Variants in CDRT4 observed in about 807,000 individuals in gnomAD.
CDRT4 encodes the protein CMT1A duplicated region transcript 4.
For synonymous variants in CDRT4, 64 were observed against 69.6 expected (o/e 0.92, Z 0.40); for missense variants, 167 against 193.1 (o/e 0.87, Z 0.80).
Position 15,450,274 on chromosome 17 carries a change from C to T in CDRT4, c.-48+2730G>A, listed in dbSNP as rs913591872. Among the ~76,000 whole-genome samples the T allele has an allele frequency of 4.6e-5, 7 of 152,180 alleles. No individual in the cohort carries two copies. The highest frequency in any genetic ancestry group is 7.2e-5 in the African/African-American group (3 of 41,446). On this transcript the variant is annotated intron_variant, in intron 2 of 3. Coordinates refer to ENST00000619038, the MANE Select transcript of CDRT4 (RefSeq NM_001204477.2). This position sits in a 1 kb window ranked among gnomAD's most constrained non-coding sequence, Gnocchi z 4.2. ...GAAAAATCCAAGAATCCATCAAGAA[C>T]TCCCTCATCTCCCACCATCACTCGT...
rs1257624966 is a variant in CDRT4, at chr17:15,464,451, C to T, written c.-130+3009G>A. Among the ~76,000 whole-genome samples, 1 of 152,154 alleles carries T rather than the reference C, an allele frequency of 6.6e-6. No homozygotes were observed. Among genetic ancestry groups the T allele is most frequent in the Non-Finnish European group, 1.5e-5 (1 of 68,030 alleles). On this transcript the variant is annotated intron_variant, in intron 1 of 3. Transcript: ENST00000619038. The surrounding 1 kb of genome is among the most constrained non-coding windows in gnomAD (Gnocchi z 4.5). ...GCTGCCTTTTCCGAGCTCGCTTCTTCCCTTCCCACCCCTTGCTAGTTGGAG... is the reference window on the plus strand; with the variant it reads ...GCTGCCTTTTCCGAGCTCGCTTCTTTCCTTCCCACCCCTTGCTAGTTGGAG...
chr17:15,442,757 G>A (rs1276572031), intron 2 of CDRT4, among the ~76,000 whole-genome samples: 1 of 152,192 alleles, frequency 6.6e-6, no homozygotes, highest in African/African-American at 2.4e-5. Flanking sequence ...ACTAGGAAAC[G>A]ATAAAAAGAA....
Position 15,437,849 on chromosome 17 carries a change from C to G in CDRT4, c.383G>C (p.Cys128Ser), listed in dbSNP as rs61742151. 3.4e-4 allele frequency: 543 copies of G among 1,614,126 alleles called. 1 individual carries two copies. In the African/African-American group the frequency reaches 6.4e-3, roughly 19 times the overall value. Residue 128 changes from cysteine (C) to serine (S), a missense_variant, in exon 4 of 4, where the codon TGT (cysteine) becomes TCT (serine). By Grantham distance (112) the Cys-to-Ser change is moderately radical. Transcript: ENST00000619038. Reference sequence around the variant, plus strand: ...GATCTTGTTATAGTTTTCAGTTGGACAGTCTCTGGAATCCGCATGTAAGTG... The same window carrying G: ...GATCTTGTTATAGTTTTCAGTTGGAGAGTCTCTGGAATCCGCATGTAAGTG... ...PTHLHADSRD[C>S]PTENYNKIIF...
intron 2 of CDRT4, among the ~76,000 whole-genome samples, chr17:15,442,697 T>C (rs113743235): frequency 1.3e-5 from 2 of 152,148 alleles, no homozygotes; most frequent in Admixed American, 1.3e-4. Context: ...GTGTGGCTGA[T>C]AGGACAAGTC....
chr17:15,438,075 C>G lies in CDRT4; in HGVS notation c.157G>C (p.Glu53Gln). 1 of 1,614,124 alleles carries G rather than the reference C, an allele frequency of 6.2e-7. No homozygotes were observed. The highest frequency in any genetic ancestry group is 8.5e-7 in the Non-Finnish European group (1 of 1,180,024). The change falls in exon 4 of 4, where the codon GAA (glutamate) becomes CAA (glutamine). Residue 53 changes from glutamate to glutamine, a missense_variant. Coordinates refer to ENST00000619038, the MANE Select transcript of CDRT4 (RefSeq NM_001204477.2). ...LIEKSKTREL[E>Q]CMRALEERPW... ...CTTTCCTCGAGGGCACGCATGCATT[C>G]CAGTTCTCTAGTTTTGCTTTTCTCA...
rs189371479 is a variant in CDRT4 at position 15,466,063 on chromosome 17, G to T, written c.-130+1397C>A. Among the ~76,000 whole-genome samples, 1,052 of 152,088 alleles carry T rather than the reference G, an allele frequency of 6.9e-3. 5 individuals carry two copies. The highest frequency in any genetic ancestry group is 0.011 in the Non-Finnish European group (758 of 67,940). On this transcript the variant is annotated intron_variant, in intron 1 of 3. Coordinates refer to ENST00000619038, the MANE Select transcript of CDRT4 (RefSeq NM_001204477.2). ...AGGGAGGGAGAGGGAGGGAAAGGGA[G>T]GGGGAGGGAGGGCAGAGCCTACCAG...
intron 1 of CDRT4, among the ~76,000 whole-genome samples, chr17:15,466,108 C>A (rs111521690): frequency 5.3e-5 from 8 of 152,110 alleles, no homozygotes; most frequent in African/African-American, 1.7e-4. Context: ...AGGAAGCCTG[C>A]GACCTGGGAC....
At chr17:15,438,333 T>C in intron 3 of CDRT4, 133 bp from the exon 4 acceptor site, 1 of 750,142 alleles carries the variant, frequency 1.3e-6, no homozygotes. Context: ...TCAGTAGGAA[T>C]AAAATCCAAT....
chr17:15,459,818 C>T (rs1047796172), intron 1 of CDRT4, among the ~76,000 whole-genome samples: 3 of 152,104 alleles, frequency 2.0e-5, no homozygotes, highest in Non-Finnish European at 4.4e-5. Context: ...CAGCAGATGA[C>T]TTCCATGCTG....
chr17:15,448,871 C>T (rs1437692911), intron 2 of CDRT4, among the ~76,000 whole-genome samples: 4 of 152,190 alleles, frequency 2.6e-5, no homozygotes, highest in African/African-American at 7.2e-5. Context: ...CTGTCATCAC[C>T]GTGGCTTCTT....
intron 1 of CDRT4, among the ~76,000 whole-genome samples, chr17:15,463,162 T>G (rs1395059422): frequency 6.6e-6 from 1 of 151,768 alleles, no homozygotes; most frequent in East Asian, 1.9e-4. Flanking sequence ...GGATTCAGGG[T>G]AAGGAGAGAA....
intron 1 of CDRT4, among the ~76,000 whole-genome samples, chr17:15,455,379 A>C (rs1979442259): frequency 6.6e-6 from 1 of 152,234 alleles, no homozygotes; most frequent in South Asian, 2.1e-4. Flanking sequence ...AAGGTGACAG[A>C]GCCAATAGGA....
chr17:15,466,629 G>C (rs1980055375), intron 1 of CDRT4, among the ~76,000 whole-genome samples: 2 of 152,092 alleles, frequency 1.3e-5, no homozygotes, highest in Non-Finnish European at 1.5e-5. Flanking sequence ...GGCTCACACA[G>C]ACACACACTC....
At chr17:15,465,258 CACA>C (rs1182741115) in intron 1 of CDRT4, among the ~76,000 whole-genome samples, 4 of 112,940 alleles carry the variant, frequency 3.5e-5, no homozygotes, top group Non-Finnish European at 4.9e-5. Flanking sequence ...CACCAACACA[CACA>C]ACACACACAC....
At chr17:15,443,998 G>A in intron 2 of CDRT4, 1 of 749,002 alleles carries the variant, frequency 1.3e-6, no homozygotes, top group Non-Finnish European at 2.3e-6. Context: ...TACATCCACA[G>A]GGTTTGGATG....
chr17:15,462,155 C>A (rs946100478), intron 1 of CDRT4, among the ~76,000 whole-genome samples: 1 of 114 alleles, frequency 8.8e-3, no homozygotes, highest in African/African-American at 0.031. Context: ...CTAGGCCGGG[C>A]GTGGTCGTCA....
In CDRT4 at chr17:15,464,314, G is replaced by A. The variant is rs752168348; in HGVS notation, c.-130+3146C>T. The stretch of plus-strand genomic sequence containing the variant: ...CATACTCCAAATAGACCTTGAGCCC[G>A]TCAAAGGCAGAGACCAGCACCTGCC... On this transcript the variant is annotated intron_variant, in intron 1 of 3. Coordinates refer to ENST00000619038, the MANE Select transcript of CDRT4 (RefSeq NM_001204477.2). This position sits in a 1 kb window ranked among gnomAD's most constrained non-coding sequence, Gnocchi z 4.5. Among the ~76,000 whole-genome samples the A allele has an allele frequency of 1.1e-4, 16 of 152,228 alleles. No individual in the cohort carries two copies. Among genetic ancestry groups the A allele is most frequent in the African/African-American group, 3.4e-4 (14 of 41,534 alleles).
intron 2 of CDRT4, among the ~76,000 whole-genome samples, chr17:15,451,768 T>C (rs1263948233): frequency 6.6e-6 from 1 of 152,250 alleles, no homozygotes; most frequent in Non-Finnish European, 1.5e-5. Context: ...TCCCTGACTA[T>C]GTAACATCAC....
In CDRT4 at chr17:15,436,039, T is replaced by C. The variant is rs974829908; in HGVS notation, c.*1734A>G. 6.6e-6 allele frequency: 1 copy of C among 152,188 alleles called. No homozygotes were observed. Among genetic ancestry groups the C allele is most frequent in the African/African-American group, 2.4e-5 (1 of 41,456 alleles). The allele number at this position is 152,188 out of a possible 1,614,324, so 9.4% of individuals were successfully genotyped here. A position where few individuals can be genotyped will look rare whatever the true frequency, so the allele number is the denominator to read the frequency against. On this transcript the variant is annotated 3_prime_UTR_variant, in exon 4 of 4. Coordinates refer to ENST00000619038, the MANE Select transcript of CDRT4 (RefSeq NM_001204477.2). ...ATAAAAAAATTATTGGAGGAATTTA[T>C]TGCCTGCCTCCATGTCTATAAACGT...
Sources: allele counts gnomAD v4.1 joint callset (sites outside exome capture counted in the v4.1 genomes callset), GRCh38; gene constraint gnomAD v4.1.1; non-coding constraint Gnocchi (gnomAD v3.1); transcripts MANE v1.5; gene names NCBI Gene and HGNC (gene_info 2026-07-23, HGNC 2026-07-21).